MAGI2: variants seen among roughly 807,000 people sequenced by gnomAD.
MAGI2 encodes membrane-associated guanylate kinase, WW and PDZ domain-containing protein 2.
A neutral mutation model predicts 133.3 loss-of-function variants in MAGI2; 35 were observed. That is an observed-to-expected ratio of 0.26 (90% CI 0.20 to 0.35). The LOEUF (loss-of-function observed/expected upper bound fraction) is 0.35. Among genes scored for constraint, MAGI2 ranks in the 10% least tolerant of loss-of-function variants. MAGI2 has a pLI of 1.00. For missense variants in MAGI2, 1,636 were observed against 1,863.4 expected, an observed-to-expected ratio of 0.88 and a Z score of 2.25; for synonymous variants, 729 against 710.6, an observed-to-expected ratio of 1.03 and a Z score of -0.41.
intron 2 of MAGI2, among the ~76,000 whole-genome samples, chr7:78,736,229 CAATT>C: frequency 6.6e-6 from 1 of 152,200 alleles, no homozygotes; most frequent in Non-Finnish European, 1.5e-5. Context: ...GAAAATACAC[CAATT>C]AGTTTTCCAG....
intron 20 of MAGI2, among the ~76,000 whole-genome samples, chr7:78,115,060 A>G (rs1380129253): frequency 6.6e-6 from 1 of 152,238 alleles, no homozygotes; most frequent in Non-Finnish European, 1.5e-5. Context: ...TGAATAGGGA[A>G]GAAAGTAAAG....
At chr7:78,675,405 G>C (rs987636752) in intron 2 of MAGI2, among the ~76,000 whole-genome samples, 1 of 152,036 alleles carries the variant, frequency 6.6e-6, no homozygotes, top group African/African-American at 2.4e-5. Flanking sequence ...GGAAAGGAAG[G>C]AGGGAGAGAG....
chr7:79,075,063 T>A (rs150658970), intron 1 of MAGI2, among the ~76,000 whole-genome samples: 1 of 152,302 alleles, frequency 6.6e-6, no homozygotes, highest in East Asian at 1.9e-4. Context: ...GCTCCAATTG[T>A]CAAATCCTCC....
chr7:78,668,699 T>C (rs113025767), intron 2 of MAGI2, among the ~76,000 whole-genome samples: 1 of 152,126 alleles, frequency 6.6e-6, no homozygotes, highest in South Asian at 2.1e-4. Flanking sequence ...AATGTAAAAG[T>C]ACGGAAATTA....
At chr7:78,207,834 A>G (rs1584395065) in intron 10 of MAGI2, among the ~76,000 whole-genome samples, 2 of 152,174 alleles carry the variant, frequency 1.3e-5, no homozygotes, top group Admixed American at 6.5e-5. Context: ...AAAATTTCAC[A>G]TAACTACCAT....
intron 16 of MAGI2, among the ~76,000 whole-genome samples, chr7:78,141,049 C>T (rs1428441742): frequency 6.6e-6 from 1 of 151,992 alleles, no homozygotes; most frequent in African/African-American, 2.4e-5. Flanking sequence ...GAATATGTGC[C>T]CCTTGGTAAG....
intron 2 of MAGI2, among the ~76,000 whole-genome samples, chr7:78,817,064 G>T (rs1260244739): frequency 6.6e-6 from 1 of 152,144 alleles, no homozygotes; most frequent in Non-Finnish European, 1.5e-5. Context: ...ATAGGAATTT[G>T]GATAAATTGA....
chr7:78,895,417 A>AT (rs1449573914), intron 2 of MAGI2, among the ~76,000 whole-genome samples: 1 of 151,936 alleles, frequency 6.6e-6, no homozygotes, highest in African/African-American at 2.4e-5. Flanking sequence ...TAACATATAT[A>AT]TTTTTTCTTT....
chr7:78,688,515 A>C (rs1050215958), intron 2 of MAGI2, among the ~76,000 whole-genome samples: 1 of 152,250 alleles, frequency 6.6e-6, no homozygotes, highest in African/African-American at 2.4e-5. Flanking sequence ...TTAAAAGAAA[A>C]AAAGAAACAC....
chr7:78,902,001 A>G (rs1322086707), intron 2 of MAGI2, among the ~76,000 whole-genome samples: 1 of 152,214 alleles, frequency 6.6e-6, no homozygotes, highest in Non-Finnish European at 1.5e-5. Flanking sequence ...CCAAATTTCC[A>G]CATATATGTA....
intron 2 of MAGI2, chr7:78,902,727 A>G (rs1252831287): frequency 6.6e-6 from 1 of 152,178 alleles, no homozygotes; most frequent in Non-Finnish European, 1.5e-5. Flanking sequence ...ATATCCTGTA[A>G]TCAATGACGC....
intron 1 of MAGI2, among the ~76,000 whole-genome samples, chr7:79,014,721 G>C (rs1808514769): frequency 6.6e-6 from 1 of 151,922 alleles, no homozygotes; most frequent in Non-Finnish European, 1.5e-5. Flanking sequence ...ATTATTGAAG[G>C]TTAATAAACC....
chr7:78,650,174 G>A (rs778772675), intron 2 of MAGI2, among the ~76,000 whole-genome samples: 1 of 152,138 alleles, frequency 6.6e-6, no homozygotes, highest in Non-Finnish European at 1.5e-5. Context: ...GTCAACAACC[G>A]CAAGCACTGA....
intron 9 of MAGI2, among the ~76,000 whole-genome samples, chr7:78,334,192 T>C (rs1789518132): frequency 6.6e-6 from 1 of 152,136 alleles, no homozygotes; most frequent in Non-Finnish European, 1.5e-5. Flanking sequence ...CAAAGAACAC[T>C]GCGCTGGGGT....
chr7:78,102,336 A>G (rs1280575669), intron 20 of MAGI2, among the ~76,000 whole-genome samples: 1 of 152,214 alleles, frequency 6.6e-6, no homozygotes, highest in East Asian at 1.9e-4. Context: ...CTAAGAGAGT[A>G]GATCTTACAT....
At chr7:78,023,935 A>G (rs751141434) in intron 21 of MAGI2, among the ~76,000 whole-genome samples, 1 of 152,256 alleles carries the variant, frequency 6.6e-6, no homozygotes, top group Non-Finnish European at 1.5e-5. Context: ...TGGGTATTAT[A>G]AATGACCTAG....
chr7:78,945,534 C>G (rs1801347750), intron 2 of MAGI2, among the ~76,000 whole-genome samples: 1 of 152,104 alleles, frequency 6.6e-6, no homozygotes, highest in Non-Finnish European at 1.5e-5. Context: ...TTTACATTTT[C>G]AAGAATACAA....
intron 2 of MAGI2, among the ~76,000 whole-genome samples, chr7:78,958,124 G>GAA (rs570251531): frequency 4.1e-4 from 62 of 152,200 alleles, no homozygotes; most frequent in African/African-American, 1.5e-3. Flanking sequence ...TATCTTCTTT[G>GAA]AAGCCCTGCT....
At chr7:79,047,835 C>T (rs1812317361) in intron 1 of MAGI2, among the ~76,000 whole-genome samples, 1 of 151,978 alleles carries the variant, frequency 6.6e-6, no homozygotes, top group African/African-American at 2.4e-5. Context: ...TTTTAGGGGA[C>T]ATTGTTTATT....
Sources: allele counts gnomAD v4.1 joint callset (sites outside exome capture counted in the v4.1 genomes callset), GRCh38; gene constraint gnomAD v4.1.1; transcripts MANE v1.5; gene names NCBI Gene and HGNC (gene_info 2026-07-23, HGNC 2026-07-21).